The following GPM6A variants were observed in gnomAD, a reference collection of about 807,000 sequenced individuals.
GPM6A encodes neuronal membrane glycoprotein M6-a.
In GPM6A, 7 loss-of-function variants were observed where a neutral mutation model predicts 32.1. The observed-to-expected ratio is 0.22, with a 90% CI of 0.12 to 0.41. The LOEUF (loss-of-function observed/expected upper bound fraction) is 0.41. GPM6A is among the 10% of genes least tolerant of loss of function. The pLI, the probability that GPM6A is intolerant of heterozygous loss-of-function variation, is 1.00. For synonymous variants in GPM6A, 130 were observed against 123.4 expected (o/e 1.05, Z -0.35); for missense variants, 235 against 347.2 (o/e 0.68, Z 2.57).
chr4:175,690,724 C>T (rs115419064), intron 2 of GPM6A, among the ~76,000 whole-genome samples: 7,167 of 152,266 alleles, frequency 0.047, 200 homozygotes, highest in Non-Finnish European at 0.063. Flanking sequence ...ATTTGGGGCT[C>T]ATCCAGATAA....
At chr4:175,962,463 T>C in intron 1 of GPM6A, 1 of 644,794 alleles carries the variant, frequency 1.6e-6, no homozygotes, top group East Asian at 3.2e-5. Flanking sequence ...GCAACCTTTT[T>C]TGCTTCTCCA....
intron 1 of GPM6A, among the ~76,000 whole-genome samples, chr4:175,865,088 G>C (rs1736689656): frequency 6.6e-6 from 1 of 152,192 alleles, no homozygotes; most frequent in Non-Finnish European, 1.5e-5. Context: ...TGGGATTACA[G>C]GCGTGAGTCA....
chr4:175,868,813 GA>G (rs1386507243), intron 1 of GPM6A, among the ~76,000 whole-genome samples: 4 of 152,288 alleles, frequency 2.6e-5, no homozygotes, highest in Non-Finnish European at 5.9e-5. Context: ...ATGAAAGAAT[GA>G]ATGAATGATC....
At chr4:175,879,282 C>T (rs1414025735) in intron 1 of GPM6A, among the ~76,000 whole-genome samples, 1 of 152,164 alleles carries the variant, frequency 6.6e-6, no homozygotes, top group African/African-American at 2.4e-5. Context: ...GTTGCTTCCA[C>T]ATTTTCAGGT....
chr4:175,961,903 C>T (rs1397084423), intron 1 of GPM6A, among the ~76,000 whole-genome samples: 4 of 152,142 alleles, frequency 2.6e-5, no homozygotes, highest in Admixed American at 6.5e-5. Flanking sequence ...GGCACAGGCT[C>T]AGTAAAAAAC....
At chr4:175,941,030 C>T (rs1360959299) in intron 1 of GPM6A, among the ~76,000 whole-genome samples, 2 of 152,192 alleles carry the variant, frequency 1.3e-5, no homozygotes, top group African/African-American at 4.8e-5. Context: ...TTACTAGTGT[C>T]CCTGGCGTAC....
intron 1 of GPM6A, among the ~76,000 whole-genome samples, chr4:175,958,056 C>T (rs1740045216): frequency 6.6e-6 from 1 of 152,140 alleles, no homozygotes; most frequent in Non-Finnish European, 1.5e-5. Flanking sequence ...CCATGCCTGG[C>T]TAATTTTTGT....
At chr4:175,835,726 CTA>C (rs1399415572) in intron 1 of GPM6A, among the ~76,000 whole-genome samples, 1 of 144,762 alleles carries the variant, frequency 6.9e-6, no homozygotes, top group Non-Finnish European at 1.5e-5. Flanking sequence ...TACATATTAA[CTA>C]TATATAATAT....
chr4:175,812,746 C>G, upstream of GPM6A: 2 of 985,454 alleles, frequency 2.0e-6, no homozygotes, highest in Non-Finnish European at 2.4e-6. Flanking sequence ...CCCTTCATTC[C>G]AGAGTGGGAA....
At chr4:176,001,725 T>C (rs1248877100) in intron 1 of GPM6A, among the ~76,000 whole-genome samples, 1 of 152,122 alleles carries the variant, frequency 6.6e-6, no homozygotes, top group Non-Finnish European at 1.5e-5. Flanking sequence ...ACCTCAAACC[T>C]TTTGTGCAAA....
At chr4:175,700,089 C>T (rs1158110028) in intron 2 of GPM6A, among the ~76,000 whole-genome samples, 2 of 152,010 alleles carry the variant, frequency 1.3e-5, no homozygotes, top group African/African-American at 2.4e-5. Flanking sequence ...TCTCGAACTC[C>T]TGGCCTCAAG....
At chr4:175,891,838 A>G in intron 1 of GPM6A, 1 of 152,220 alleles carries the variant, frequency 6.6e-6, no homozygotes, top group East Asian at 1.9e-4. Context: ...ATAATTTCAA[A>G]GCTCATTTAG....
intron 3 of GPM6A, among the ~76,000 whole-genome samples, chr4:175,654,536 T>C (rs149426160): frequency 3.0e-4 from 46 of 152,258 alleles, no homozygotes; most frequent in South Asian, 2.7e-3. Flanking sequence ...GTACATACTA[T>C]GTAATTATGT....
At chr4:175,860,992 A>G (rs1736558076) in intron 1 of GPM6A, among the ~76,000 whole-genome samples, 1 of 152,196 alleles carries the variant, frequency 6.6e-6, no homozygotes, top group African/African-American at 2.4e-5. Context: ...AACAAAAAAA[A>G]ACACTAGGCC....
In GPM6A at chr4:175,861,260, A is replaced by C. The variant is rs1736564429; in HGVS notation, c.-22-49011T>G. ...ACATATGAATTATAAATATATATTT[A>C]GATAAAGGATAAAAATACAAAAATA... On this transcript the variant is annotated intron_variant, in intron 1 of 7. Coordinates refer to the GPM6A transcript ENST00000280187. Among the ~76,000 whole-genome samples, 5 of 151,906 alleles carry C rather than the reference A, an allele frequency of 3.3e-5. No homozygotes were observed. In the Middle Eastern group the frequency reaches 0.01, roughly 310 times the overall value.
intron 1 of GPM6A, among the ~76,000 whole-genome samples, chr4:175,738,934 A>C (rs533640734): frequency 6.6e-6 from 1 of 152,306 alleles, no homozygotes; most frequent in South Asian, 2.1e-4. Context: ...CTCAGTTTTT[A>C]AAACTCACAG....
chr4:175,991,192 A>G (rs1024036453), intron 1 of GPM6A, among the ~76,000 whole-genome samples: 10 of 149,734 alleles, frequency 6.7e-5, no homozygotes, highest in East Asian at 2.0e-4. Context: ...CAGCCTCCCA[A>G]GTAGCTGGGA....
At chr4:175,714,013 A>T (rs1399856414) in intron 1 of GPM6A, among the ~76,000 whole-genome samples, 1 of 152,022 alleles carries the variant, frequency 6.6e-6, no homozygotes. Context: ...GTATTTAATA[A>T]TATCTTTTAA....
chr4:175,687,201 C>G (rs988893499), intron 2 of GPM6A, among the ~76,000 whole-genome samples: 2 of 151,850 alleles, frequency 1.3e-5, no homozygotes, highest in Non-Finnish European at 1.5e-5. Flanking sequence ...GGGATTTACT[C>G]TCTTAACATA....
Sources: gnomAD v4.1 joint callset for allele counts (sites outside exome capture counted in the v4.1 genomes callset) on GRCh38, gnomAD v4.1.1 for gene constraint, MANE v1.5 for transcripts, NCBI Gene and HGNC (gene_info 2026-07-23, HGNC 2026-07-21) for gene names.